PTPRN2: variants seen among roughly 807,000 people sequenced by gnomAD.
PTPRN2 encodes protein tyrosine phosphatase receptor type N2.
A neutral mutation model predicts 118.8 loss-of-function variants in PTPRN2; 74 were observed. That is an observed-to-expected ratio of 0.62 (90% CI 0.52 to 0.76). The LOEUF (loss-of-function observed/expected upper bound fraction) is 0.76, where lower values mean the gene tolerates loss of function less well. Among genes scored for constraint, PTPRN2 ranks in the 30% least tolerant of loss-of-function variants. The pLI is 0.00. For missense variants in PTPRN2, 1,481 were observed against 1,394.4 expected (o/e 1.06, Z -0.99); for synonymous variants, 641 against 608.0 (o/e 1.05, Z -0.80).
intron 3 of PTPRN2, among the ~76,000 whole-genome samples, chr7:158,222,283 A>G (rs907641259): frequency 6.6e-6 from 1 of 152,188 alleles, no homozygotes; most frequent in African/African-American, 2.4e-5. Flanking sequence ...CTGTACATTC[A>G]TCACGGTATT....
intron 12 of PTPRN2, among the ~76,000 whole-genome samples, chr7:157,752,983 G>A (rs916954232): frequency 7.9e-5 from 12 of 152,198 alleles, no homozygotes; most frequent in Non-Finnish European, 1.2e-4. Flanking sequence ...TGCCATGGCC[G>A]GCAGTGCTGA....
At chr7:157,734,733 A>C (rs181931519) in intron 12 of PTPRN2, among the ~76,000 whole-genome samples, 1 of 152,342 alleles carries the variant, frequency 6.6e-6, no homozygotes, top group East Asian at 1.9e-4. Context: ...CGAAATGATA[A>C]CACAAAACTG....
At chr7:157,738,357 G>A (rs563967367) in intron 12 of PTPRN2, among the ~76,000 whole-genome samples, 6 of 152,186 alleles carry the variant, frequency 3.9e-5, no homozygotes, top group South Asian at 2.1e-4. Flanking sequence ...TGATACTGGC[G>A]TGAAGTTCAT....
intron 12 of PTPRN2, among the ~76,000 whole-genome samples, chr7:157,726,438 G>A (rs1451698957): frequency 2.0e-5 from 3 of 152,238 alleles, no homozygotes; most frequent in African/African-American, 4.8e-5. Context: ...CACACGCAGA[G>A]GAGTGAGCCA....
At chr7:157,840,880 G>A (rs1461440304) in intron 12 of PTPRN2, among the ~76,000 whole-genome samples, 1 of 152,230 alleles carries the variant, frequency 6.6e-6, no homozygotes, top group Non-Finnish European at 1.5e-5. Flanking sequence ...GAGAGGTGAG[G>A]GGCTGGGCGC....
chr7:158,395,005 C>T (rs182472016), intron 2 of PTPRN2, among the ~76,000 whole-genome samples: 79 of 152,348 alleles, frequency 5.2e-4, no homozygotes, highest in Middle Eastern at 3.4e-3. Flanking sequence ...GACACCTGGG[C>T]CAACCAGCCC....
chr7:158,489,911 G>A lies in PTPRN2; in HGVS notation c.113-126C>T, dbSNP rs1010333814. 2.3e-5 allele frequency: 20 copies of A among 878,220 alleles called. No homozygotes were observed. The African/African-American group carries it at 3.4e-4, about 15-fold the overall frequency. 54.4% of individuals were successfully genotyped at this position (878,220 alleles called of 1,614,324 possible). Reference sequence around the variant, plus strand: ...CGGTCAAGCAGGCTCCTCCGACCCGGCTTTTCCGAGATGGGGCCGATTATT... The same window carrying A: ...CGGTCAAGCAGGCTCCTCCGACCCGACTTTTCCGAGATGGGGCCGATTATT... On this transcript the variant is annotated intron_variant, in intron 1 of 22. Coordinates refer to ENST00000389418, the MANE Select transcript of PTPRN2 (RefSeq NM_002847.5).
At chr7:157,630,329 T>C (rs990518279) in intron 14 of PTPRN2, among the ~76,000 whole-genome samples, 4 of 152,198 alleles carry the variant, frequency 2.6e-5, no homozygotes, top group African/African-American at 7.2e-5. Context: ...AGATAATGGT[T>C]AAAGGATCAG....
chr7:158,528,077 T>C (rs1271021324), intron 1 of PTPRN2, among the ~76,000 whole-genome samples: 1 of 152,222 alleles, frequency 6.6e-6, no homozygotes. Flanking sequence ...TGGGTGTTCC[T>C]GTGTTGTGTG....
intron 12 of PTPRN2, among the ~76,000 whole-genome samples, chr7:157,718,790 G>A (rs1188400509): frequency 2.0e-5 from 3 of 152,060 alleles, no homozygotes; most frequent in Non-Finnish European, 2.9e-5. Flanking sequence ...AGGCGTCCGC[G>A]GTGACACTGC....
At chr7:158,364,981 TCA>T (rs10567718) in intron 2 of PTPRN2, among the ~76,000 whole-genome samples, 139,943 of 151,980 alleles carry the variant, frequency 0.92, 64,653 homozygotes, top group Non-Finnish European at 0.96. Context: ...ACACACACAT[TCA>T]CACACACACA....
At chr7:158,146,908 G>A (rs1024398573) in intron 6 of PTPRN2, among the ~76,000 whole-genome samples, 3 of 151,578 alleles carry the variant, frequency 2.0e-5, no homozygotes, top group Non-Finnish European at 4.4e-5. Context: ...ATCCTGTGAA[G>A]AGACTGAATG....
At chr7:158,311,344 T>A (rs916967539) in intron 3 of PTPRN2, among the ~76,000 whole-genome samples, 1 of 152,208 alleles carries the variant, frequency 6.6e-6, no homozygotes, top group Admixed American at 6.5e-5. Context: ...GCTCAATAAG[T>A]CAGAAGATTC....
rs1801474972 is a variant in PTPRN2, at chr7:157,598,439, G to A, written c.2419-3124C>T. Among the ~76,000 whole-genome samples, 2 of 151,774 alleles carry A rather than the reference G, an allele frequency of 1.3e-5. No homozygotes were observed. ...GGAGCTTGGACGTCGGCGTCTCCGG[G>A]CCTCAGTCTCCATATCTGTATGGTG... On this transcript the variant is annotated intron_variant, in intron 16 of 22. Transcript: ENST00000389418. The surrounding 1 kb of genome is among the most constrained non-coding windows in gnomAD (Gnocchi z 5.2).
At chr7:158,125,583 C>T (rs973578705) in intron 9 of PTPRN2, among the ~76,000 whole-genome samples, 1 of 152,212 alleles carries the variant, frequency 6.6e-6, no homozygotes, top group Non-Finnish European at 1.5e-5. Flanking sequence ...CCCCACACCA[C>T]CTGAAATCTT....
At chr7:158,487,716 C>A (rs536953272) in intron 2 of PTPRN2, among the ~76,000 whole-genome samples, 1 of 152,302 alleles carries the variant, frequency 6.6e-6, no homozygotes, top group Admixed American at 6.5e-5. Flanking sequence ...GCCCGCCAGC[C>A]TCGGGCTAAA....
At chr7:158,043,907 T>C (rs1808653577) in intron 11 of PTPRN2, among the ~76,000 whole-genome samples, 1 of 152,204 alleles carries the variant, frequency 6.6e-6, no homozygotes. Context: ...AGACTGATTG[T>C]CATTTGCTCA....
At chr7:158,166,203 G>C (rs1822952778) in intron 6 of PTPRN2, among the ~76,000 whole-genome samples, 1 of 151,982 alleles carries the variant, frequency 6.6e-6, no homozygotes, top group East Asian at 1.9e-4. Context: ...TGAACAAGAA[G>C]TGAGAAGGGA....
At chr7:157,872,619 C>T (rs1157200047) in intron 12 of PTPRN2, among the ~76,000 whole-genome samples, 1 of 152,278 alleles carries the variant, frequency 6.6e-6, no homozygotes, top group Non-Finnish European at 1.5e-5. Flanking sequence ...CACTTGGTGG[C>T]CTCCTTGGTT....
Sources: allele counts gnomAD v4.1 joint callset (sites outside exome capture counted in the v4.1 genomes callset), GRCh38; gene constraint gnomAD v4.1.1; non-coding constraint Gnocchi (gnomAD v3.1); transcripts MANE v1.5; gene names NCBI Gene and HGNC (gene_info 2026-07-23, HGNC 2026-07-21).